Variants in MYO16 observed in about 807,000 individuals in gnomAD.
MYO16 encodes unconventional myosin-XVI.
MYO16 carries 94 observed loss-of-function variants against 205.3 expected under a neutral mutation model. The ratio of observed to expected loss-of-function variants is 0.46; its 90% CI spans 0.39 to 0.54. The LOEUF (loss-of-function observed/expected upper bound fraction) is 0.54. Among genes scored for constraint, MYO16 ranks in the 20% least tolerant of loss-of-function variants. The pLI, the probability that MYO16 is intolerant of heterozygous loss-of-function variation, is 0.00. For synonymous variants in MYO16, 988 were observed against 954.0 expected (o/e 1.04, Z -0.66); for missense variants, 2,315 against 2,387.5 (o/e 0.97, Z 0.63).
In MYO16 at chr13:108,883,120, TCTC is replaced by T. The variant is rs1879699160; in HGVS notation, c.1490_1492del (p.Ser497del). On this transcript the variant is annotated inframe_deletion, in exon 13 of 35. Coordinates refer to ENST00000457511, the MANE Select transcript of MYO16 (RefSeq NM_001198950.3). ...TGTTCCTCGCTGCCTCCTCACCTCT[TCTC>T]CTGTGTGGAGAGAGCCTTTCACCAG... 2 of 1,614,060 alleles carry T rather than the reference TCTC, an allele frequency of 1.2e-6. No individual in the cohort carries two copies. The highest frequency in any genetic ancestry group is 1.3e-5 in the African/African-American group (1 of 75,014).
the MYO16 span, among the ~76,000 whole-genome samples, chr13:108,579,553 G>T: frequency 6.7e-6 from 1 of 149,928 alleles, no homozygotes; most frequent in Non-Finnish European, 1.5e-5. Flanking sequence ...CAATTCTCCT[G>T]CCTCAGCCTC....
chr13:108,772,215 C>T (rs762628821), intron 4 of MYO16, among the ~76,000 whole-genome samples: 4 of 151,942 alleles, frequency 2.6e-5, no homozygotes, highest in Admixed American at 2.0e-4. Flanking sequence ...AAGAAATAGC[C>T]GAGCATGGTG....
chr13:109,176,779 C>T (rs944950394), intron 33 of MYO16, among the ~76,000 whole-genome samples: 6 of 151,238 alleles, frequency 4.0e-5, no homozygotes, highest in Non-Finnish European at 5.9e-5. Flanking sequence ...TCCACATGCC[C>T]GTCTCCCCCA....
intron 29 of MYO16, among the ~76,000 whole-genome samples, chr13:109,123,716 C>G (rs1876107364): frequency 6.6e-6 from 1 of 152,164 alleles, no homozygotes; most frequent in Non-Finnish European, 1.5e-5. Context: ...TTCAGCATTT[C>G]AGATATCCAC....
At chr13:108,812,786 C>T (rs537486572) in intron 7 of MYO16, among the ~76,000 whole-genome samples, 25 of 152,122 alleles carry the variant, frequency 1.6e-4, no homozygotes, top group Non-Finnish European at 3.4e-4. Context: ...AGGATTAATA[C>T]GACTATAAAA....
chr13:109,199,107 G>A (rs1418534670), intron 34 of MYO16, among the ~76,000 whole-genome samples: 1 of 149,194 alleles, frequency 6.7e-6, no homozygotes, highest in Admixed American at 6.8e-5. Flanking sequence ...TCAATATTCA[G>A]ATCAAAGGTT....
intron 31 of MYO16, among the ~76,000 whole-genome samples, chr13:109,131,400 T>C (rs1174266757): frequency 6.6e-6 from 1 of 152,206 alleles, no homozygotes; most frequent in Non-Finnish European, 1.5e-5. Context: ...AAAATGGTTG[T>C]GGTGAAGGAA....
intron 34 of MYO16, among the ~76,000 whole-genome samples, chr13:109,181,670 C>CA (rs1212580875): frequency 6.6e-6 from 1 of 151,952 alleles, no homozygotes. Flanking sequence ...AGTGATTTGC[C>CA]AAAGATCATA....
chr13:108,924,603 G>A (rs1424726635), intron 16 of MYO16, among the ~76,000 whole-genome samples: 2 of 152,144 alleles, frequency 1.3e-5, no homozygotes, highest in African/African-American at 2.4e-5. Context: ...GTTCCCAGAC[G>A]TACCCTGCTT....
chr13:108,928,419 G>C (rs1309622698), intron 16 of MYO16, among the ~76,000 whole-genome samples: 1 of 152,164 alleles, frequency 6.6e-6, no homozygotes, highest in African/African-American at 2.4e-5. Flanking sequence ...TATGGCATAG[G>C]ATGTATAATT....
intron 28 of MYO16, among the ~76,000 whole-genome samples, chr13:109,106,269 A>AT (rs1043978389): frequency 1.3e-5 from 2 of 152,224 alleles, no homozygotes; most frequent in African/African-American, 4.8e-5. Context: ...GTTATTAACC[A>AT]TCTGCTATTT....
chr13:109,161,626 T>G (rs1320787101), intron 32 of MYO16, among the ~76,000 whole-genome samples: 1 of 152,216 alleles, frequency 6.6e-6, no homozygotes, highest in East Asian at 1.9e-4. Context: ...CCATTAGTTC[T>G]TATGCCTTAC....
chr13:108,734,911 G>T (rs1277654097), intron 4 of MYO16, among the ~76,000 whole-genome samples: 3 of 152,302 alleles, frequency 2.0e-5, no homozygotes, highest in African/African-American at 4.8e-5. Context: ...GGGAAATGTA[G>T]TTTCTAGCCT....
At chr13:108,785,912 A>C (rs1886444577) in intron 5 of MYO16, among the ~76,000 whole-genome samples, 169 bp downstream of exon 5, 1 of 152,196 alleles carries the variant, frequency 6.6e-6, no homozygotes, top group Non-Finnish European at 1.5e-5. Flanking sequence ...ACTGCACTGC[A>C]TTGTGGTTTA....
chr13:109,060,578 C>G (rs1887560995), intron 27 of MYO16, among the ~76,000 whole-genome samples: 1 of 152,106 alleles, frequency 6.6e-6, no homozygotes, highest in East Asian at 1.9e-4. Context: ...GTGCAGCAAA[C>G]CACCATGACA....
At chr13:108,999,822 A>G (rs999145737) in intron 21 of MYO16, among the ~76,000 whole-genome samples, 1 of 152,186 alleles carries the variant, frequency 6.6e-6, no homozygotes, top group Non-Finnish European at 1.5e-5. Context: ...TAGAAAGCTA[A>G]ACATAAAATT....
At chr13:108,773,644 A>G (rs9521030) in intron 4 of MYO16, among the ~76,000 whole-genome samples, 72,038 of 151,974 alleles carry the variant, frequency 0.47, 18,432 homozygotes, top group East Asian at 0.87. Context: ...TTAACTAATT[A>G]CATCTGCAGT....
the MYO16 span, among the ~76,000 whole-genome samples, chr13:108,528,282 AG>A: frequency 6.6e-6 from 1 of 152,156 alleles, no homozygotes; most frequent in African/African-American, 2.4e-5. Flanking sequence ...AATCTCAAAA[AG>A]GGGCAGACCC....
Position 108,888,000 on chromosome 13 carries a change from G to C in MYO16, c.1554-372G>C, listed in dbSNP as rs1043551571. The stretch of plus-strand genomic sequence containing the variant: ...TGACTTGCTAAGCTGAGTCAAGTTG[G>C]TTATGTCTTCTTCTCAGCCTGACAC... On this transcript the variant is annotated intron_variant, in intron 13 of 34. Coordinates refer to ENST00000457511, the MANE Select transcript of MYO16 (RefSeq NM_001198950.3). Among the ~76,000 whole-genome samples the C allele has an allele frequency of 5.9e-5, 9 of 152,190 alleles. No homozygotes were observed. In the East Asian group the frequency reaches 1.7e-3, roughly 29 times the overall value.
Sources: allele counts gnomAD v4.1 joint callset (sites outside exome capture counted in the v4.1 genomes callset), GRCh38; gene constraint gnomAD v4.1.1; transcripts MANE v1.5; gene names NCBI Gene and HGNC (gene_info 2026-07-23, HGNC 2026-07-21).